The following TBX15 variants were observed in gnomAD, a reference collection of about 807,000 sequenced individuals.
TBX15 encodes T-box transcription factor TBX15.
Under a neutral mutation model 53.9 loss-of-function variants are expected in TBX15, and 18 were observed. The ratio of observed to expected loss-of-function variants is 0.33; its 90% CI spans 0.23 to 0.49. The LOEUF (loss-of-function observed/expected upper bound fraction) is 0.49. TBX15 is among the 20% of genes least tolerant of loss of function. The pLI, the probability that TBX15 is intolerant of heterozygous loss-of-function variation, is 0.98. For missense variants in TBX15, 692 were observed against 749.5 expected, an observed-to-expected ratio of 0.92 and a Z score of 0.90; for synonymous variants, 295 against 278.0, an observed-to-expected ratio of 1.06 and a Z score of -0.61.
At chr1:118,915,543 T>C (rs1000393534) in intron 5 of TBX15, among the ~76,000 whole-genome samples, 2 of 152,210 alleles carry the variant, frequency 1.3e-5, no homozygotes, top group Non-Finnish European at 2.9e-5. Flanking sequence ...CAATTTTACA[T>C]GTATTTTATA....
At chr1:118,893,480 AGG>A in intron 7 of TBX15, among the ~76,000 whole-genome samples, 1 of 131,950 alleles carries the variant, frequency 7.6e-6, no homozygotes, top group Non-Finnish European at 1.6e-5. Flanking sequence ...GAAGGAAGGA[AGG>A]AAGGAAAGAA....
At chr1:118,921,049 C>T (rs974613756) in intron 5 of TBX15, among the ~76,000 whole-genome samples, 5 of 112,180 alleles carry the variant, frequency 4.5e-5, no homozygotes, top group Admixed American at 9.5e-5. Flanking sequence ...TGGTGATACC[C>T]GCCTGTGGTC....
chr1:118,976,391 C>T (rs183490331), intron 1 of TBX15, among the ~76,000 whole-genome samples: 45 of 152,286 alleles, frequency 3.0e-4, no homozygotes, highest in Middle Eastern at 3.4e-3. Flanking sequence ...TGATTTTTCC[C>T]AGAATCCTGG....
In TBX15 at chr1:118,923,317, T is replaced by C. The variant is rs891215878; in HGVS notation, c.861+119A>G. The C allele has an allele frequency of 3.1e-6, 4 of 1,287,550 alleles. No homozygotes were observed. In the African/African-American group the frequency reaches 4.4e-5, roughly 14 times the overall value. 79.8% of individuals were successfully genotyped at this position (1,287,550 alleles called of 1,614,324 possible). ...CTAACACTGTATAGTACTTAACATT[T>C]AGTGGACTAAGGGTTGTTGTATGTC... On this transcript the variant is annotated intron_variant, in intron 5 of 7. Coordinates refer to ENST00000369429, the MANE Select transcript of TBX15 (RefSeq NM_001330677.2).
intron 5 of TBX15, among the ~76,000 whole-genome samples, chr1:118,915,860 T>A (rs1655202096): frequency 6.6e-6 from 1 of 152,220 alleles, no homozygotes; most frequent in South Asian, 2.1e-4. Flanking sequence ...AACAGCACTC[T>A]ACTTCATGGG....
chr1:118,884,605 GA>G lies in TBX15; in HGVS notation c.*126del, dbSNP rs536044359. 0.058 allele frequency: 44,410 copies of G among 762,314 alleles called. 47 individuals are homozygous for G. The highest frequency in any genetic ancestry group is 0.075 in the African/African-American group (3,268 of 43,368). The allele number at this position is 762,314 out of a possible 1,614,324, so 47.2% of individuals were successfully genotyped here. Reference sequence around the variant, plus strand: ...GTTCTTGGGTATATGTCTTCGGCCAGAAAAAAAAAAAAAAAAAAAACACGGT... The same window carrying G: ...GTTCTTGGGTATATGTCTTCGGCCAGAAAAAAAAAAAAAAAAAAACACGGT... On this transcript the variant is annotated 3_prime_UTR_variant, in exon 8 of 8. Transcript: ENST00000369429.
chr1:118,908,301 C>T (rs1395747156), intron 6 of TBX15, among the ~76,000 whole-genome samples: 1 of 150,134 alleles, frequency 6.7e-6, no homozygotes, highest in African/African-American at 2.5e-5. Flanking sequence ...CAGAAACCTG[C>T]AATAGGTACA....
intron 7 of TBX15, chr1:118,891,000 C>T (rs1271778162): frequency 8.4e-7 from 1 of 1,197,420 alleles, no homozygotes; most frequent in Non-Finnish European, 1.1e-6. Flanking sequence ...TATCAGCACC[C>T]TATAGACTGA....
At chr1:118,922,261 G>A (rs1305278173) in intron 5 of TBX15, among the ~76,000 whole-genome samples, 2 of 152,156 alleles carry the variant, frequency 1.3e-5, no homozygotes, top group East Asian at 1.9e-4. Context: ...ACGACAGAGA[G>A]ATCAAAGTAG....
chr1:118,884,629 G>A lies in TBX15; in HGVS notation c.*103C>T, dbSNP rs542151997. ...AGAAAAAAAAAAAAAAAAAAAACAC[G>A]GTTCCTGTTTTTCAAAGACACTGGA... is the stretch of plus-strand genomic sequence containing the variant. On this transcript the variant is annotated 3_prime_UTR_variant, in exon 8 of 8. Transcript: ENST00000369429. 13 of 1,145,174 alleles carry A rather than the reference G, an allele frequency of 1.1e-5. No individual in the cohort carries two copies. Among genetic ancestry groups the A allele is most frequent in the East Asian group, 2.5e-5 (1 of 40,330 alleles). The allele number at this position is 1,145,174 out of a possible 1,614,324, so 70.9% of individuals were successfully genotyped here.
chr1:118,961,894 C>T (rs1656890292), intron 1 of TBX15, among the ~76,000 whole-genome samples: 1 of 152,208 alleles, frequency 6.6e-6, no homozygotes, highest in South Asian at 2.1e-4. Flanking sequence ...TCAAGACAGG[C>T]TATGGTACCT....
intron 1 of TBX15, among the ~76,000 whole-genome samples, chr1:118,978,289 T>C (rs1442545099): frequency 6.6e-6 from 1 of 152,254 alleles, no homozygotes; most frequent in Non-Finnish European, 1.5e-5. Flanking sequence ...TGTTAATTTC[T>C]ACAACTGCAG....
intron 6 of TBX15, among the ~76,000 whole-genome samples, chr1:118,902,369 G>A (rs966581864): frequency 3.9e-5 from 6 of 152,068 alleles, no homozygotes; most frequent in African/African-American, 1.4e-4. Context: ...TAGTATGGTC[G>A]CATCTCAAGG....
intron 1 of TBX15, among the ~76,000 whole-genome samples, chr1:118,968,110 A>G (rs1310257694): frequency 2.0e-5 from 3 of 152,222 alleles, no homozygotes. Context: ...TTTTTGCCAA[A>G]TGTACACTTG....
At chr1:118,977,064 TCA>T (rs888892878) in intron 1 of TBX15, among the ~76,000 whole-genome samples, 4 of 152,178 alleles carry the variant, frequency 2.6e-5, no homozygotes, top group African/African-American at 9.7e-5. Flanking sequence ...TATTCCAATT[TCA>T]TAGATGCAGA....
intron 7 of TBX15, among the ~76,000 whole-genome samples, chr1:118,898,545 A>T (rs1334578889): frequency 6.6e-6 from 1 of 152,122 alleles, no homozygotes; most frequent in Non-Finnish European, 1.5e-5. Flanking sequence ...AAAGGAAAGA[A>T]CACAAGTTGC....
chr1:118,934,040 T>C (rs931106736), intron 1 of TBX15, among the ~76,000 whole-genome samples: 2 of 152,136 alleles, frequency 1.3e-5, no homozygotes, highest in Non-Finnish European at 2.9e-5. Context: ...GAGATTGGAA[T>C]TGGGACTACG....
chr1:118,928,883 A>T (rs1198605084), intron 2 of TBX15, among the ~76,000 whole-genome samples: 1 of 152,222 alleles, frequency 6.6e-6, no homozygotes, highest in Non-Finnish European at 1.5e-5. Flanking sequence ...CCTATAAAAC[A>T]AAGGAAATCG....
At chr1:118,967,366 A>G (rs566195362) in intron 1 of TBX15, among the ~76,000 whole-genome samples, 1 of 152,352 alleles carries the variant, frequency 6.6e-6, no homozygotes, top group South Asian at 2.1e-4. Flanking sequence ...TCACAGTGGT[A>G]GAAATGCTAT....
Sources: gnomAD v4.1 joint callset for allele counts (sites outside exome capture counted in the v4.1 genomes callset) on GRCh38, gnomAD v4.1.1 for gene constraint, MANE v1.5 for transcripts, NCBI Gene and HGNC (gene_info 2026-07-23, HGNC 2026-07-21) for gene names.